MED27: variants seen among roughly 807,000 people sequenced by gnomAD.
MED27 encodes mediator complex subunit 27.
Under a neutral mutation model 38.2 loss-of-function variants are expected in MED27, and 30 were observed. The ratio of observed to expected loss-of-function variants is 0.79; its 90% CI spans 0.59 to 1.07. The LOEUF is 1.07. Among genes scored for constraint, MED27 ranks in the 50% least tolerant of loss-of-function variants. The probability of loss-of-function intolerance (pLI) is 0.00; values close to 1 mark genes in which losing one functional copy is unlikely to be tolerated. For synonymous variants in MED27, 122 were observed against 153.5 expected (o/e 0.79, Z 1.52); for missense variants, 289 against 397.5 (o/e 0.73, Z 2.32).
chr9:132,013,490 G>A (rs1832527145), intron 3 of MED27, among the ~76,000 whole-genome samples: 1 of 152,218 alleles, frequency 6.6e-6, no homozygotes, highest in Admixed American at 6.5e-5. Flanking sequence ...CTACACGGAT[G>A]TACATGAGTG....
intron 6 of MED27, among the ~76,000 whole-genome samples, chr9:131,879,719 C>T (rs551734727): frequency 1.4e-4 from 21 of 152,290 alleles, no homozygotes; most frequent in African/African-American, 4.8e-4. Context: ...GGGAACGAAC[C>T]CCACCCTCGC....
intron 2 of MED27, among the ~76,000 whole-genome samples, chr9:132,067,422 A>C (rs1833832090): frequency 6.6e-6 from 1 of 152,208 alleles, no homozygotes; most frequent in Admixed American, 6.5e-5. Flanking sequence ...CTAAGCTGAG[A>C]CCTGAATGAC....
At chr9:131,943,627 C>G (rs557715383) in intron 3 of MED27, among the ~76,000 whole-genome samples, 12 of 152,306 alleles carry the variant, frequency 7.9e-5, no homozygotes, top group Middle Eastern at 3.4e-3. Context: ...AGCAGTAACA[C>G]AGCAGTGGTG....
chr9:131,953,418 T>A (rs972418020), intron 3 of MED27, among the ~76,000 whole-genome samples: 1 of 152,242 alleles, frequency 6.6e-6, no homozygotes, highest in Non-Finnish European at 1.5e-5. Context: ...GTCATACACA[T>A]AAAAGTGGTT....
At chr9:132,005,010 A>G (rs1470511489) in intron 3 of MED27, among the ~76,000 whole-genome samples, 1 of 152,248 alleles carries the variant, frequency 6.6e-6, no homozygotes, top group East Asian at 1.9e-4. Context: ...TATAGGAGTA[A>G]GAAGCTGAAG....
intron 3 of MED27, among the ~76,000 whole-genome samples, chr9:131,968,794 T>C (rs1831412404): frequency 6.6e-6 from 1 of 151,980 alleles, no homozygotes; most frequent in African/African-American, 2.4e-5. Context: ...AGGAGGTGAG[T>C]GGTGGGCGAG....
intron 5 of MED27, among the ~76,000 whole-genome samples, chr9:131,893,494 C>T (rs573964735): frequency 2.0e-5 from 3 of 152,294 alleles, no homozygotes; most frequent in Admixed American, 6.5e-5. Context: ...AGAGTGTCAT[C>T]AGGTTGTGTC....
chr9:131,939,233 C>T, intron 4 of MED27, 148 bp downstream of exon 4: 2 of 455,586 alleles, frequency 4.4e-6, no homozygotes, highest in African/African-American at 2.0e-5. Flanking sequence ...TCTTAACCTA[C>T]AGAATGCCAG....
chr9:131,883,998 C>A lies in MED27; in HGVS notation c.723+60G>T, dbSNP rs1288110209. ...CTCTGATTTGAGACCAATGTTTAAA[C>A]CTCAAAGCATTCACGTTTTCCTAAT... On this transcript the variant is annotated intron_variant, in intron 6 of 7. Coordinates refer to ENST00000292035, the MANE Select transcript of MED27 (RefSeq NM_004269.4). The surrounding 1 kb of genome is among the most constrained non-coding windows in gnomAD (Gnocchi z 4.2). The A allele has an allele frequency of 2.8e-6, 4 of 1,447,608 alleles. No homozygotes were observed. Among genetic ancestry groups the A allele is most frequent in the Admixed American group, 1.8e-5 (1 of 57,028 alleles). The allele number at this position is 1,447,608 out of a possible 1,614,324, so 89.7% of individuals were successfully genotyped here.
At chr9:132,046,096 G>A (rs892198418) in intron 2 of MED27, among the ~76,000 whole-genome samples, 1 of 152,142 alleles carries the variant, frequency 6.6e-6, no homozygotes, top group African/African-American at 2.4e-5. Flanking sequence ...AAATGACCAC[G>A]TATAAATATG....
At chr9:131,986,086 A>T (rs1224445357) in intron 3 of MED27, among the ~76,000 whole-genome samples, 3 of 152,248 alleles carry the variant, frequency 2.0e-5, no homozygotes, top group Non-Finnish European at 4.4e-5. Context: ...ACGTCATAAC[A>T]AAAGAATCAA....
intron 6 of MED27, chr9:131,868,720 T>C: frequency 1.0e-6 from 1 of 985,422 alleles, no homozygotes; most frequent in Non-Finnish European, 1.2e-6. Flanking sequence ...CTGACTCCCA[T>C]CCCCGCTCTC....
chr9:132,077,957 C>G (rs1348801427), intron 1 of MED27, among the ~76,000 whole-genome samples: 1 of 152,184 alleles, frequency 6.6e-6, no homozygotes, highest in Admixed American at 6.5e-5. Context: ...TTCAGACCCA[C>G]GTGCAGATCA....
intron 3 of MED27, among the ~76,000 whole-genome samples, chr9:131,983,260 C>A (rs918687373): frequency 6.6e-6 from 1 of 152,234 alleles, no homozygotes; most frequent in African/African-American, 2.4e-5. Flanking sequence ...GATTTTCCCT[C>A]ACTGCATGGC....
intron 3 of MED27, among the ~76,000 whole-genome samples, chr9:132,013,811 T>C (rs1330210502): frequency 6.6e-6 from 1 of 152,204 alleles, no homozygotes; most frequent in African/African-American, 2.4e-5. Context: ...ATACAAAATA[T>C]GTAAAATAAA....
Position 132,079,530 on chromosome 9 carries a change from C to A in MED27, c.203+112G>T, listed in dbSNP as rs1834127141. On this transcript the variant is annotated intron_variant, in intron 1 of 7. Transcript: ENST00000292035. The stretch of plus-strand genomic sequence containing the variant: ...GCTTGGAGAACAAGAAGAGAAAGAA[C>A]AGGGATCAAGGGAAACGGAGAACAG... The A allele has an allele frequency of 8.3e-6, 8 of 962,482 alleles. No individual in the cohort carries two copies. In the South Asian group the frequency reaches 9.9e-5, roughly 12 times the overall value. 59.6% of individuals were successfully genotyped at this position (962,482 alleles called of 1,614,324 possible). A position where few individuals can be genotyped will look rare whatever the true frequency, so the allele number is the denominator to read the frequency against.
At chr9:131,904,858 T>C (rs1830023505) in intron 4 of MED27, among the ~76,000 whole-genome samples, 1 of 152,230 alleles carries the variant, frequency 6.6e-6, no homozygotes, top group African/African-American at 2.4e-5. Context: ...CCAAGTGTTA[T>C]AAAAGGTTTT....
chr9:132,017,389 T>C (rs373965081), intron 2 of MED27, among the ~76,000 whole-genome samples: 3 of 152,232 alleles, frequency 2.0e-5, no homozygotes, highest in East Asian at 1.9e-4. Context: ...TTACAGGTTC[T>C]GTAATATTTT....
At chr9:132,047,659 G>C (rs1391534523) in intron 2 of MED27, among the ~76,000 whole-genome samples, 9 of 151,968 alleles carry the variant, frequency 5.9e-5, no homozygotes, top group Admixed American at 5.9e-4. Context: ...TGTATCAGTG[G>C]TAAACAAAAT....
Sources: allele counts gnomAD v4.1 joint callset (sites outside exome capture counted in the v4.1 genomes callset), GRCh38; gene constraint gnomAD v4.1.1; non-coding constraint Gnocchi (gnomAD v3.1); transcripts MANE v1.5; gene names NCBI Gene and HGNC (gene_info 2026-07-23, HGNC 2026-07-21).